MDN1: variants seen among roughly 807,000 people sequenced by gnomAD.
MDN1 encodes midasin AAA ATPase 1.
Under a neutral mutation model 669.2 loss-of-function variants are expected in MDN1, and 266 were observed. That is an observed-to-expected ratio of 0.40 (90% confidence interval 0.36 to 0.44). The LOEUF is 0.44. Ranked by LOEUF, MDN1 falls within the 20% of genes least tolerant of loss-of-function variation. The pLI is 1.00. For synonymous variants in MDN1, 2,385 were observed against 2,457.1 expected (o/e 0.97, Z 0.87); for missense variants, 5,940 against 6,754.0 (o/e 0.88, Z 4.22).
intron 9 of MDN1, 40 bp downstream of exon 9, chr6:89,784,972 T>C (rs370232112): frequency 7.4e-7 from 1 of 1,349,144 alleles, no homozygotes; most frequent in African/African-American, 1.4e-5. Flanking sequence ...CGGGAGCCAC[T>C]GCACCTGGCC....
chr6:89,707,339 C>T, intron 52 of MDN1, 22 bp downstream of exon 52: 5 of 1,514,152 alleles, frequency 3.3e-6, no homozygotes, highest in South Asian at 1.1e-5. Flanking sequence ...AATTAGAGAA[C>T]ACAAAAGGTA....
intron 24 of MDN1, 74 bp from the exon 25 acceptor site, chr6:89,749,825 A>G: frequency 8.4e-6 from 10 of 1,189,618 alleles, no homozygotes; most frequent in Non-Finnish European, 1.2e-5. Context: ...GTACAAATCA[A>G]CAAATCCTAG....
In MDN1 at chr6:89,750,339, G is replaced by T; in HGVS notation, c.3406+15C>A. On this transcript the variant is annotated intron_variant, in intron 24 of 101. Transcript: ENST00000369393. The stretch of plus-strand genomic sequence containing the variant: ...AATAAACACCTATGTCCATGGAATG[G>T]AATCTTAACCCTACCTTCCTTAAAG... The T allele has an allele frequency of 6.3e-7, 1 of 1,590,640 alleles. No homozygotes were observed. Among genetic ancestry groups the T allele is most frequent in the South Asian group, 1.1e-5 (1 of 90,096 alleles).
At chr6:89,769,928 T>C (rs1004849258) in intron 15 of MDN1, among the ~76,000 whole-genome samples, 11 of 152,132 alleles carry the variant, frequency 7.2e-5, no homozygotes, top group African/African-American at 1.9e-4. Context: ...TAAAGACATA[T>C]AGATACAGAA....
chr6:89,668,217 C>G, intron 83 of MDN1, 66 bp from the exon 84 acceptor site: 2 of 1,585,182 alleles, frequency 1.3e-6, no homozygotes, highest in Non-Finnish European at 1.7e-6. Context: ...AGATTTCATT[C>G]TTGCCACAGG....
chr6:89,715,252 AGT>A (rs1358117209), intron 45 of MDN1, among the ~76,000 whole-genome samples: 1 of 152,176 alleles, frequency 6.6e-6, no homozygotes, highest in Non-Finnish European at 1.5e-5. Flanking sequence ...CCATTTACCC[AGT>A]TACTCAAGCC....
chr6:89,766,354 C>T (rs1817800218), intron 15 of MDN1, among the ~76,000 whole-genome samples: 1 of 150,678 alleles, frequency 6.6e-6, no homozygotes, highest in Admixed American at 6.6e-5. Flanking sequence ...TTACCTAAAG[C>T]CCTTAAGTCA....
Position 89,733,629 on chromosome 6 carries a change from T to A in MDN1, c.4724-854A>T, listed in dbSNP as rs191954508. ...ATGTAATTGGTTGGAAGAATACTGATTACAAAAAAAAAAAAACTCTTTAAA... is the reference window on the plus strand; with the variant it reads ...ATGTAATTGGTTGGAAGAATACTGAATACAAAAAAAAAAAAACTCTTTAAA... On this transcript the variant is annotated intron_variant, in intron 33 of 101. Coordinates refer to ENST00000369393, the MANE Select transcript of MDN1 (RefSeq NM_014611.3). Among the ~76,000 whole-genome samples, 275 of 142,434 alleles carry A rather than the reference T, an allele frequency of 1.9e-3. 1 individual carries two copies. The highest frequency in any genetic ancestry group is 6.9e-3 in the African/African-American group (264 of 38,152). The allele number at this position is 142,434 out of a possible 152,430, so 93.4% of individuals were successfully genotyped here.
At position 89,712,635 on chromosome 6, in the gene MDN1, T is replaced by A. The variant is rs928943899; in HGVS notation, c.7370A>T (p.Asp2457Val). The part of the protein sequence containing the change: ...EDSHLSTVRR[D>V]GQILVYCLNR... Reference sequence around the variant, plus strand: ...GAGACAATATACTAAGATCTGTCCATCTCTTCGGACTGTAGACAGGTGTGA... The same window carrying A: ...GAGACAATATACTAAGATCTGTCCAACTCTTCGGACTGTAGACAGGTGTGA... Residue 2457 changes from aspartate (D) to valine (V), a missense_variant, in exon 48 of 102, where the codon GAT becomes GTT. By Grantham distance (152) the Asp-to-Val change is radical. Coordinates refer to ENST00000369393, the MANE Select transcript of MDN1 (RefSeq NM_014611.3). 13 of 1,614,150 alleles carry A rather than the reference T, an allele frequency of 8.1e-6. No homozygotes were observed. Among genetic ancestry groups the A allele is most frequent in the African/African-American group, 1.3e-5 (1 of 75,046 alleles).
Position 89,789,927 on chromosome 6 carries a change from A to T in MDN1, c.1099-16T>A. The T allele has an allele frequency of 1.2e-6, 2 of 1,606,838 alleles. No individual in the cohort carries two copies. Among genetic ancestry groups the T allele is most frequent in the African/African-American group, 1.3e-5 (1 of 74,666 alleles). On this transcript the variant is annotated splice_polypyrimidine_tract_variant and intron_variant, in intron 6 of 101. Coordinates refer to ENST00000369393, the MANE Select transcript of MDN1 (RefSeq NM_014611.3). ...CCAAAAGCATCTGCAGAAAGAAGATAAAGTAATTACTGAAAAACCATACCT... is the reference window on the plus strand; with the variant it reads ...CCAAAAGCATCTGCAGAAAGAAGATTAAGTAATTACTGAAAAACCATACCT...
Position 89,674,273 on chromosome 6 carries a change from A to C in MDN1, c.13078T>G (p.Ser4360Ala). 2.5e-6 allele frequency: 4 copies of C among 1,614,144 alleles called. No individual in the cohort carries two copies. Among genetic ancestry groups the C allele is most frequent in the Non-Finnish European group, 3.4e-6 (4 of 1,180,026 alleles). The change falls in exon 79 of 102, where the codon TCT (serine) becomes GCT (alanine). Residue 4360 changes from serine to alanine, a missense_variant. Around this residue, in one of 5 missense-constraint regions of MDN1, gnomAD observed 2,280 missense variants for 2,576.3 expected, o/e 0.88. Transcript: ENST00000369393. ...GGCAGCTGACTTCCAGGTATTGGAG[A>C]TGGGTAGCTCAGATTGGAAGGAATT... ...DLIPSNLSYPSPIPGSQLPSG... is the reference protein window; with the variant it reads ...DLIPSNLSYPAPIPGSQLPSG...
Position 89,714,890 on chromosome 6 carries a change from GC to G in MDN1, c.6861-140del, listed in dbSNP as rs1422367022. 5.7e-6 allele frequency: 4 copies of G among 696,834 alleles called. No individual in the cohort carries two copies. In the African/African-American group the frequency reaches 7.2e-5, roughly 13 times the overall value. 43.2% of individuals were successfully genotyped at this position (696,834 alleles called of 1,614,324 possible). A position where few individuals can be genotyped will look rare whatever the true frequency, so the allele number is the denominator to read the frequency against. ...TCACACCAAGGATCTTTTACTTCTA[GC>G]ATGCATCAATATAGCAAAAGATTTT... On this transcript the variant is annotated intron_variant, in intron 45 of 101. Transcript: ENST00000369393.
chr6:89,698,947 G>A lies in MDN1; in HGVS notation c.9086C>T (p.Pro3029Leu), dbSNP rs746729283. The A allele has an allele frequency of 4.3e-6, 7 of 1,613,936 alleles. No individual in the cohort carries two copies. Among genetic ancestry groups the A allele is most frequent in the Non-Finnish European group, 3.4e-6 (4 of 1,179,996 alleles). Residue 3029 changes from proline to leucine, a missense_variant, in exon 59 of 102, where the codon CCA (proline) becomes CTA (leucine). By Grantham distance (98) the Pro-to-Leu change is moderately conservative. Transcript: ENST00000369393. ...AGGGTTCCACATTAGCCAGTACTCT[G>A]GATTTGTGGTCACAGTACTGCTCCA... ...SFWSSTVTTN[P>L]EYWLMWNPLP... is the part of the protein sequence containing the mutation.
At chr6:89,749,171 T>C in intron 26 of MDN1, 52 bp downstream of exon 26, 1 of 1,488,880 alleles carries the variant, frequency 6.7e-7, no homozygotes, top group Non-Finnish European at 9.0e-7. Context: ...AAAGAAGCCA[T>C]GAAATTTTGA....
At chr6:89,745,150 AAAG>A in intron 29 of MDN1, 120 bp downstream of exon 29, 2 of 1,046,832 alleles carry the variant, frequency 1.9e-6, no homozygotes. Flanking sequence ...AAAAAAAAAA[AAAG>A]AAAAAAGAGG....
intron 15 of MDN1, among the ~76,000 whole-genome samples, chr6:89,769,058 A>G (rs1384265576): frequency 6.8e-6 from 1 of 147,716 alleles, no homozygotes; most frequent in Non-Finnish European, 1.5e-5. Flanking sequence ...TATCTTAAAG[A>G]AAAAAAAAAA....
At chr6:89,663,068 G>C (rs1809920652) in intron 85 of MDN1, 101 bp from the exon 86 acceptor site, 3 of 1,288,126 alleles carry the variant, frequency 2.3e-6, no homozygotes, top group East Asian at 4.6e-5. Context: ...GGCCCCACCT[G>C]AGATTTATTG....
chr6:89,661,309 A>G, intron 88 of MDN1, 122 bp downstream of exon 88: 1 of 1,118,224 alleles, frequency 8.9e-7, no homozygotes, highest in South Asian at 1.5e-5. Flanking sequence ...TCAGACTGGG[A>G]TTGAGCCTAC....
At chr6:89,710,619 C>T (rs1451924219) in intron 50 of MDN1, 62 bp downstream of exon 50, 3 of 950,960 alleles carry the variant, frequency 3.2e-6, no homozygotes, top group Non-Finnish European at 4.6e-6. Context: ...GATCTTTTCC[C>T]CATAAAGTCA....
Sources: gnomAD v4.1 joint callset for allele counts (sites outside exome capture counted in the v4.1 genomes callset) on GRCh38, gnomAD v4.1.1 for gene constraint, gnomAD v4.1.1 regional missense constraint, MANE v1.5 for transcripts, NCBI Gene and HGNC (gene_info 2026-07-23, HGNC 2026-07-21) for gene names.